SLC2A13: variants seen among roughly 807,000 people sequenced by gnomAD.
SLC2A13 encodes proton myo-inositol cotransporter.
SLC2A13 carries 32 observed loss-of-function variants against 64.4 expected under a neutral mutation model. The ratio of observed to expected loss-of-function variants is 0.50; its 90% CI spans 0.37 to 0.67. The LOEUF (loss-of-function observed/expected upper bound fraction) is 0.67. Ranked by LOEUF, SLC2A13 falls within the 30% of genes least tolerant of loss-of-function variation. SLC2A13 has a pLI of 0.00. For synonymous variants in SLC2A13, 338 were observed against 327.1 expected, an observed-to-expected ratio of 1.03 and a Z score of -0.36; for missense variants, 743 against 829.2, an observed-to-expected ratio of 0.90 and a Z score of 1.28.
At chr12:39,853,849 A>T (rs893991226) in intron 6 of SLC2A13, among the ~76,000 whole-genome samples, 15 of 152,162 alleles carry the variant, frequency 9.9e-5, no homozygotes, top group Admixed American at 9.2e-4. Context: ...AATACCTCTG[A>T]AAGAGTTTTA....
intron 6 of SLC2A13, among the ~76,000 whole-genome samples, chr12:39,836,190 C>T (rs1293871368): frequency 6.6e-6 from 1 of 152,066 alleles, no homozygotes; most frequent in Non-Finnish European, 1.5e-5. Context: ...GACTATTTTT[C>T]TCAATTGTAG....
intron 7 of SLC2A13, among the ~76,000 whole-genome samples, chr12:39,817,365 C>T (rs1179474362): frequency 6.8e-6 from 1 of 146,492 alleles, no homozygotes; most frequent in East Asian, 2.0e-4. Flanking sequence ...ACAGAATGAT[C>T]AGTTCCATTA....
chr12:39,877,517 C>T (rs544221640), intron 4 of SLC2A13, among the ~76,000 whole-genome samples: 8 of 152,282 alleles, frequency 5.3e-5, no homozygotes, highest in Non-Finnish European at 1.0e-4. Flanking sequence ...CAATAACTAT[C>T]ACAAGGGCAT....
intron 4 of SLC2A13, among the ~76,000 whole-genome samples, chr12:39,919,076 G>A (rs1020121131): frequency 4.0e-5 from 6 of 151,604 alleles, no homozygotes; most frequent in African/African-American, 7.3e-5. Flanking sequence ...CGTCTACTGG[G>A]CTCAAGTGAT....
intron 7 of SLC2A13, among the ~76,000 whole-genome samples, chr12:39,799,254 CTTTTTTTTTT>C: frequency 8.8e-6 from 1 of 113,278 alleles, no homozygotes; most frequent in African/African-American, 3.5e-5. Context: ...TATGCTTAGC[CTTTTTTTTTT>C]TTTTTTTTTT....
chr12:39,999,931 C>A (rs185720501), intron 3 of SLC2A13, among the ~76,000 whole-genome samples: 166 of 152,320 alleles, frequency 1.1e-3, no homozygotes, highest in African/African-American at 3.7e-3. Flanking sequence ...TGTGATGTCA[C>A]CCCTGGAGGC....
chr12:40,067,650 T>C (rs530614576), intron 1 of SLC2A13, among the ~76,000 whole-genome samples: 1 of 152,278 alleles, frequency 6.6e-6, no homozygotes, highest in African/African-American at 2.4e-5. Context: ...TTTGTCTTCA[T>C]CATTCTACTA....
intron 4 of SLC2A13, among the ~76,000 whole-genome samples, chr12:39,881,650 T>C (rs937707283): frequency 1.3e-5 from 2 of 152,154 alleles, no homozygotes; most frequent in African/African-American, 4.8e-5. Context: ...CCCATACTCT[T>C]TTTCTGTGCC....
At chr12:39,839,548 G>A (rs185527567) in intron 6 of SLC2A13, among the ~76,000 whole-genome samples, 1 of 151,724 alleles carries the variant, frequency 6.6e-6, no homozygotes, top group East Asian at 1.9e-4. Context: ...ATTATCATTT[G>A]GTGATAAGAT....
chr12:39,886,205 C>T (rs1038000531), intron 4 of SLC2A13, among the ~76,000 whole-genome samples: 7 of 151,986 alleles, frequency 4.6e-5, no homozygotes, highest in African/African-American at 1.7e-4. Context: ...ACTGTAACAG[C>T]CCTGGGCAAA....
intron 4 of SLC2A13, among the ~76,000 whole-genome samples, chr12:39,923,015 T>G (rs777213585): frequency 5.9e-5 from 9 of 152,164 alleles, no homozygotes; most frequent in African/African-American, 1.7e-4. Flanking sequence ...TCTATACTAA[T>G]GATACAATGA....
chr12:39,870,870 A>G (rs564388993), intron 5 of SLC2A13, among the ~76,000 whole-genome samples: 8 of 152,190 alleles, frequency 5.3e-5, no homozygotes, highest in Non-Finnish European at 1.0e-4. Flanking sequence ...TTTGGAACTT[A>G]GAATGTATTT....
intron 2 of SLC2A13, among the ~76,000 whole-genome samples, chr12:40,046,434 T>C (rs980552819): frequency 6.6e-6 from 1 of 152,200 alleles, no homozygotes; most frequent in Non-Finnish European, 1.5e-5. Context: ...TTTATGCAAC[T>C]ATACATGCTA....
intron 4 of SLC2A13, among the ~76,000 whole-genome samples, chr12:39,924,199 C>T (rs1945674110): frequency 6.6e-6 from 1 of 151,972 alleles, no homozygotes; most frequent in Non-Finnish European, 1.5e-5. Context: ...CCAAAACAGT[C>T]TTGAAAACAA....
intron 7 of SLC2A13, chr12:39,802,138 C>T (rs1941814478): frequency 1.3e-5 from 2 of 152,206 alleles, no homozygotes; most frequent in Non-Finnish European, 2.9e-5. Flanking sequence ...GGTGTGTAAT[C>T]TTTGCGACTG....
intron 1 of SLC2A13, among the ~76,000 whole-genome samples, chr12:40,061,456 A>G (rs1948420778): frequency 4.6e-5 from 7 of 152,136 alleles, no homozygotes; most frequent in Admixed American, 4.6e-4. Flanking sequence ...AAACATAACT[A>G]GAAATATAGA....
chr12:39,867,104 C>G (rs1399998203), intron 5 of SLC2A13, among the ~76,000 whole-genome samples: 1 of 152,142 alleles, frequency 6.6e-6, no homozygotes, highest in Non-Finnish European at 1.5e-5. Context: ...GATCATACCT[C>G]TCTCCTAAAA....
chr12:39,973,697 G>A (rs943219338), intron 3 of SLC2A13, among the ~76,000 whole-genome samples: 1 of 152,164 alleles, frequency 6.6e-6, no homozygotes, highest in Non-Finnish European at 1.5e-5. Flanking sequence ...TAAGCAACTA[G>A]AGTCATCTTT....
chr12:39,998,875 A>G (rs1177113835), intron 3 of SLC2A13, among the ~76,000 whole-genome samples: 1 of 152,182 alleles, frequency 6.6e-6, no homozygotes, highest in Non-Finnish European at 1.5e-5. Context: ...CTCATCTTGA[A>G]TTCCCACATG....
Sources: allele counts gnomAD v4.1 joint callset (sites outside exome capture counted in the v4.1 genomes callset), GRCh38; gene constraint gnomAD v4.1.1; transcripts MANE v1.5; gene names NCBI Gene and HGNC (gene_info 2026-07-23, HGNC 2026-07-21).